Variants in PEDS1 observed in about 807,000 individuals in gnomAD.
PEDS1 encodes plasmanylethanolamine desaturase 1.
PEDS1 carries 14 observed loss-of-function variants against 35.2 expected under a neutral mutation model. That is an observed-to-expected ratio of 0.40 (90% CI 0.26 to 0.62). The LOEUF (loss-of-function observed/expected upper bound fraction) is 0.62, where lower values mean the gene tolerates loss of function less well. Ranked by LOEUF, PEDS1 falls within the 20% of genes least tolerant of loss-of-function variation. PEDS1 has a pLI of 0.44. For synonymous variants in PEDS1, 152 were observed against 152.0 expected (o/e 1.00, Z 0.00); for missense variants, 260 against 367.8 (o/e 0.71, Z 2.40).
chr20:50,134,209 C>T (rs902497720), intron 2 of PEDS1, among the ~76,000 whole-genome samples: 2 of 152,168 alleles, frequency 1.3e-5, no homozygotes, highest in African/African-American at 2.4e-5. Flanking sequence ...CCCCATAGCT[C>T]GGACTAATGA....
At chr20:50,132,444 G>A (rs1283965974) in intron 2 of PEDS1, among the ~76,000 whole-genome samples, 1 of 152,006 alleles carries the variant, frequency 6.6e-6, no homozygotes, top group Non-Finnish European at 1.5e-5. Flanking sequence ...CATGCCTCTG[G>A]GTCTTTGCAT....
At chr20:50,151,567 C>T (rs2081403702) in intron 1 of PEDS1, among the ~76,000 whole-genome samples, 1 of 152,104 alleles carries the variant, frequency 6.6e-6, no homozygotes, top group Admixed American at 6.6e-5. Context: ...CTACTGTTAA[C>T]AACAGGGAGG....
chr20:50,146,785 T>A (rs148412434), intron 1 of PEDS1, among the ~76,000 whole-genome samples: 1 of 152,116 alleles, frequency 6.6e-6, no homozygotes, highest in Non-Finnish European at 1.5e-5. Flanking sequence ...AGAGGTCACA[T>A]AGCAGAGGTC....
chr20:50,148,452 G>A (rs1278180285), intron 1 of PEDS1, among the ~76,000 whole-genome samples: 1 of 152,186 alleles, frequency 6.6e-6, no homozygotes, highest in African/African-American at 2.4e-5. Context: ...ATCAGAGCCA[G>A]CCCCTGGCTT....
chr20:50,125,952 T>C (rs919444401), intron 5 of PEDS1, among the ~76,000 whole-genome samples: 2 of 152,308 alleles, frequency 1.3e-5, no homozygotes, highest in Middle Eastern at 3.4e-3. Flanking sequence ...CTTGAACTCC[T>C]GGGCTCAAGC....
chr20:50,148,520 G>A (rs1463969393), intron 1 of PEDS1, among the ~76,000 whole-genome samples: 2 of 152,212 alleles, frequency 1.3e-5, no homozygotes, highest in Non-Finnish European at 2.9e-5. Context: ...TGAGGAAGGG[G>A]CTGGCCTCGT....
chr20:50,130,764 T>C (rs1253998278), intron 3 of PEDS1, 92 bp downstream of exon 3: 6 of 1,457,550 alleles, frequency 4.1e-6, no homozygotes, highest in Admixed American at 1.8e-5. Flanking sequence ...ATCTTTCAGA[T>C]AGGGAAACAG....
intron 5 of PEDS1, 51 bp downstream of exon 5, chr20:50,127,924 G>T (rs778246436): frequency 1.3e-6 from 2 of 1,590,266 alleles, no homozygotes; most frequent in South Asian, 2.3e-5. Context: ...CTCGAAGATG[G>T]TGCAGTGGCT....
At chr20:50,136,413 A>G (rs2081234669) in intron 2 of PEDS1, among the ~76,000 whole-genome samples, 1 of 152,146 alleles carries the variant, frequency 6.6e-6, no homozygotes, top group Non-Finnish European at 1.5e-5. Flanking sequence ...ACCTCCTTCC[A>G]AAAAGAGCAC....
intron 2 of PEDS1, among the ~76,000 whole-genome samples, 196 bp downstream of exon 2, chr20:50,143,306 C>T (rs940408224): frequency 6.6e-6 from 1 of 152,120 alleles, no homozygotes; most frequent in Admixed American, 6.5e-5. Context: ...AACTGAGGAT[C>T]ATGTTTAGGT....
chr20:50,153,718 C>T lies in PEDS1; in HGVS notation c.-81G>A. On this transcript the variant is annotated 5_prime_UTR_variant, in exon 1 of 6. Coordinates refer to ENST00000371652, the MANE Select transcript of PEDS1 (RefSeq NM_199129.4). ...GCGGAACCGCGGCGAGATCACGCCG[C>T]CCAATGACCGCCCAGCGCCGGGCGC... 12 of 1,128,376 alleles carry T rather than the reference C, an allele frequency of 1.1e-5. No homozygotes were observed. The highest frequency in any genetic ancestry group is 1.3e-5 in the Non-Finnish European group (12 of 922,800). 69.9% of individuals were successfully genotyped at this position (1,128,376 alleles called of 1,614,324 possible).
At chr20:50,146,516 A>C (rs1474946012) in intron 1 of PEDS1, among the ~76,000 whole-genome samples, 1 of 152,074 alleles carries the variant, frequency 6.6e-6, no homozygotes, top group Non-Finnish European at 1.5e-5. Flanking sequence ...TCACCGACAT[A>C]CCTTGGGAAG....
intron 2 of PEDS1, 78 bp from the exon 3 acceptor site, chr20:50,131,025 C>T: frequency 4.3e-6 from 7 of 1,610,422 alleles, no homozygotes; most frequent in South Asian, 1.1e-5. Flanking sequence ...CTCACTTGCC[C>T]GCTCATTCAT....
intron 1 of PEDS1, among the ~76,000 whole-genome samples, chr20:50,147,129 A>G (rs1399702401): frequency 6.6e-6 from 1 of 152,198 alleles, no homozygotes; most frequent in Non-Finnish European, 1.5e-5. Context: ...CAGTTACCCT[A>G]ACAATGGCTG....
intron 1 of PEDS1, among the ~76,000 whole-genome samples, chr20:50,149,477 G>A (rs2081379987): frequency 6.6e-6 from 1 of 152,240 alleles, no homozygotes; most frequent in Admixed American, 6.5e-5. Flanking sequence ...CTGCCAAGCT[G>A]GCCAGGCCCT....
chr20:50,119,341 A>C lies in PEDS1; in HGVS notation c.*5717T>G, dbSNP rs926291987. The C allele has an allele frequency of 2.0e-5, 3 of 151,004 alleles. No homozygotes were observed. The highest frequency in any genetic ancestry group is 4.9e-5 in the African/African-American group (2 of 41,068). 9.4% of individuals were successfully genotyped at this position (151,004 alleles called of 1,614,324 possible). On this transcript the variant is annotated 3_prime_UTR_variant, in exon 6 of 6. Transcript: ENST00000371652. The stretch of plus-strand genomic sequence containing the variant: ...CCCAACTACTTGGGATGGGAGGCTG[A>C]GAGAGGATAGCTTGAGCCCAGGAGG...
At chr20:50,125,972 G>T (rs61656463) in intron 5 of PEDS1, among the ~76,000 whole-genome samples, 2 of 151,646 alleles carry the variant, frequency 1.3e-5, no homozygotes, top group Non-Finnish European at 2.9e-5. Flanking sequence ...CAATCCTCTC[G>T]CCTTGGCTTC....
chr20:50,153,619 A>T lies in PEDS1; in HGVS notation c.19T>A (p.Trp7Arg), dbSNP rs2026757. 7.7e-7 allele frequency: 1 copy of T among 1,302,710 alleles called. No homozygotes were observed. The highest frequency in any genetic ancestry group is 9.8e-7 in the Non-Finnish European group (1 of 1,020,820). The allele number at this position is 1,302,710 out of a possible 1,614,324, so 80.7% of individuals were successfully genotyped here. A position where few individuals can be genotyped will look rare whatever the true frequency, so the allele number is the denominator to read the frequency against. The change falls in exon 1 of 6, where the codon TGG becomes AGG. Residue 7 changes from tryptophan to arginine, a missense_variant. By Grantham distance (101) the Trp-to-Arg change is moderately radical (BLOSUM62 -3). Around this residue, in one of 4 missense-constraint regions of PEDS1, gnomAD observed 114 missense variants for 121.6 expected, o/e 0.94. Coordinates refer to ENST00000371652, the MANE Select transcript of PEDS1 (RefSeq NM_199129.4). Reference sequence around the variant, plus strand: ...TCCAGCTCCAGCTGCTGGCCCGGCCAGTTCTCGGCGCCCGCCATGGCCACT... The same window carrying T: ...TCCAGCTCCAGCTGCTGGCCCGGCCTGTTCTCGGCGCCCGCCATGGCCACT... MAGAEN[W>R]PGQQLELDED...
Position 50,128,108 on chromosome 20 carries a change from G to A in PEDS1, c.558C>T (p.His186=). 6.2e-7 allele frequency: 1 copy of A among 1,614,212 alleles called. No homozygotes were observed. Among genetic ancestry groups the A allele is most frequent in the South Asian group, 1.1e-5 (1 of 91,086 alleles). ...IIFGTFTNQI[H]KWSHTYFGLP... Reference sequence around the variant, plus strand: ...GCCCAAAGTACGTGTGCGACCACTTGTGGATCTGGTTGGTGAAGGTGCCGA... The same window carrying A: ...GCCCAAAGTACGTGTGCGACCACTTATGGATCTGGTTGGTGAAGGTGCCGA... Residue 186 remains histidine, a synonymous_variant, in exon 5 of 6, where the codon CAC becomes CAT. Coordinates refer to ENST00000371652, the MANE Select transcript of PEDS1 (RefSeq NM_199129.4). This position sits in a 1 kb window ranked among gnomAD's most constrained non-coding sequence, Gnocchi z 5.2.
Sources: allele counts gnomAD v4.1 joint callset (sites outside exome capture counted in the v4.1 genomes callset), GRCh38; gene constraint gnomAD v4.1.1; regional missense constraint gnomAD v4.1.1; non-coding constraint Gnocchi (gnomAD v3.1); transcripts MANE v1.5; gene names NCBI Gene and HGNC (gene_info 2026-07-23, HGNC 2026-07-21).